Variants in MYO1E observed in about 807,000 individuals in gnomAD.
MYO1E encodes the protein unconventional myosin-Ie.
In MYO1E, 68 loss-of-function variants were observed where a neutral mutation model predicts 151.1. That is an observed-to-expected ratio of 0.45 (90% confidence interval 0.37 to 0.55). MYO1E has a LOEUF of 0.55. Among genes scored for constraint, MYO1E ranks in the 20% least tolerant of loss-of-function variants. The pLI, the probability that MYO1E is intolerant of heterozygous loss-of-function variation, is 0.00. For synonymous variants in MYO1E, 601 were observed against 501.7 expected (o/e 1.20, Z -2.64); for missense variants, 1,363 against 1,389.3 (o/e 0.98, Z 0.30).
intron 1 of MYO1E, among the ~76,000 whole-genome samples, chr15:59,332,801 G>A (rs1303183288): frequency 6.6e-6 from 1 of 151,984 alleles, no homozygotes; most frequent in Non-Finnish European, 1.5e-5. Flanking sequence ...AAGCTCAAGT[G>A]ATCCTCCCAC....
Position 59,138,114 on chromosome 15 carries a change from C to A in MYO1E, c.3250+84G>T, listed in dbSNP as rs56294483. 21,970 of 1,537,582 alleles carry A rather than the reference C, an allele frequency of 0.014. 603 individuals carry two copies. The highest frequency in any genetic ancestry group is 0.1 in the African/African-American group (7,382 of 73,430). ...TTGCAGTTTGAGGAGCCCATAAATT[C>A]TTTTCATTTTCACACTAGATCTTAC... is the stretch of plus-strand genomic sequence containing the variant. On this transcript the variant is annotated intron_variant, in intron 27 of 27. Coordinates refer to ENST00000288235, the MANE Select transcript of MYO1E (RefSeq NM_004998.4).
At chr15:59,286,077 TAATATGAACTA>T (rs2080386145) in intron 1 of MYO1E, among the ~76,000 whole-genome samples, 2 of 152,226 alleles carry the variant, frequency 1.3e-5, no homozygotes, top group Admixed American at 6.5e-5. Context: ...TCTTGTGACA[TAATATGAACTA>T]TCACCCTGTA....
intron 16 of MYO1E, among the ~76,000 whole-genome samples, chr15:59,199,408 C>T (rs1596361606): frequency 6.6e-6 from 1 of 152,054 alleles, no homozygotes; most frequent in East Asian, 1.9e-4. Context: ...AGTTGAGTAC[C>T]CCTAATCTGA....
At chr15:59,225,165 C>T in intron 7 of MYO1E, among the ~76,000 whole-genome samples, 1 of 152,212 alleles carries the variant, frequency 6.6e-6, no homozygotes, top group East Asian at 1.9e-4. Context: ...ATGTTTCTCA[C>T]TGCAGGGTGC....
At chr15:59,170,513 G>A (rs562098679) in intron 22 of MYO1E, among the ~76,000 whole-genome samples, 48 of 151,978 alleles carry the variant, frequency 3.2e-4, no homozygotes, top group African/African-American at 6.0e-4. Context: ...GCACTGCCCC[G>A]CTCAGGTTGG....
intron 2 of MYO1E, among the ~76,000 whole-genome samples, chr15:59,269,442 G>T (rs1214685095): frequency 6.6e-6 from 1 of 152,204 alleles, no homozygotes; most frequent in East Asian, 1.9e-4. Context: ...TGTGGGTGCT[G>T]CACGTAAAAG....
chr15:59,191,358 GAGAGAGAGAGAA>G (rs1205153633), intron 17 of MYO1E, among the ~76,000 whole-genome samples: 11 of 150,448 alleles, frequency 7.3e-5, no homozygotes, highest in South Asian at 2.1e-4. Flanking sequence ...GAGAGAGAGA[GAGAGAGAGAGAA>G]AGAAATGTCA....
chr15:59,336,957 T>C (rs1243127171), intron 1 of MYO1E, among the ~76,000 whole-genome samples: 2 of 152,132 alleles, frequency 1.3e-5, no homozygotes, highest in African/African-American at 4.8e-5. Flanking sequence ...TATTCCACAG[T>C]ATATATGTGC....
intron 1 of MYO1E, among the ~76,000 whole-genome samples, chr15:59,351,195 G>A (rs1246616524): frequency 2.6e-5 from 4 of 151,938 alleles, no homozygotes; most frequent in South Asian, 2.1e-4. Flanking sequence ...CACCGCACCC[G>A]GCCTTACTTG....
At chr15:59,295,388 G>T (rs778318395) in intron 1 of MYO1E, among the ~76,000 whole-genome samples, 1 of 152,128 alleles carries the variant, frequency 6.6e-6, no homozygotes, top group African/African-American at 2.4e-5. Flanking sequence ...TAGAAAGGCG[G>T]ATTTGTGTTG....
At chr15:59,207,578 A>T (rs1300316647) in intron 14 of MYO1E, 10 of 1,614,140 alleles carry the variant, frequency 6.2e-6, no homozygotes, top group Non-Finnish European at 7.6e-6. Flanking sequence ...AGCGGCTGTA[A>T]TCTGGATACT....
intron 1 of MYO1E, among the ~76,000 whole-genome samples, chr15:59,335,501 TA>T (rs373124829): frequency 5.4e-5 from 8 of 147,664 alleles, no homozygotes; most frequent in East Asian, 3.9e-4. Context: ...CGAATATGAA[TA>T]AAAAAAAAAC....
intron 18 of MYO1E, among the ~76,000 whole-genome samples, chr15:59,185,000 G>A (rs1314038118): frequency 2.0e-5 from 3 of 152,096 alleles, no homozygotes; most frequent in Admixed American, 6.5e-5. Context: ...GTGAGATATC[G>A]CACTGTAGTT....
rs56327611 is a variant in MYO1E at position 59,236,375 on chromosome 15, C to A, written c.420+210G>T. Among the ~76,000 whole-genome samples, 92 of 24,438 alleles carry A rather than the reference C, an allele frequency of 3.8e-3. 2 individuals are homozygous for A. The highest frequency in any genetic ancestry group is 0.031 in the Middle Eastern group (1 of 32). 16.0% of individuals were successfully genotyped at this position (24,438 alleles called of 152,430 possible). Reference sequence around the variant, plus strand: ...AAGAAAAAAAAAAAATATATACACACACACACACACACACACACACACACA... The same window carrying A: ...AAGAAAAAAAAAAAATATATACACAAACACACACACACACACACACACACA... On this transcript the variant is annotated intron_variant, in intron 5 of 27. Transcript: ENST00000288235.
chr15:59,217,126 G>A (rs1235075084), intron 10 of MYO1E, among the ~76,000 whole-genome samples: 5 of 152,068 alleles, frequency 3.3e-5, no homozygotes, highest in Admixed American at 1.3e-4. Flanking sequence ...CTGCAACCTC[G>A]TCTTTGAGTC....
rs115963522 is a variant in MYO1E, at chr15:59,176,914, C to A, written c.2049+1479G>T. On this transcript the variant is annotated intron_variant, in intron 19 of 27. Coordinates refer to ENST00000288235, the MANE Select transcript of MYO1E (RefSeq NM_004998.4). ...GGAGAGTCAAATAATGGTAATAACA[C>A]AATTGAATGTAAGGCAAGGAAAAGG... Among the ~76,000 whole-genome samples the A allele has an allele frequency of 6.2e-3, 939 of 152,106 alleles. 8 individuals are homozygous for A. The highest frequency in any genetic ancestry group is 0.022 in the African/African-American group (894 of 41,482).
chr15:59,314,898 G>T (rs1280938075), intron 1 of MYO1E, among the ~76,000 whole-genome samples: 1 of 152,148 alleles, frequency 6.6e-6, no homozygotes, highest in African/African-American at 2.4e-5. Context: ...CCAGCCAATT[G>T]TTACCACAGG....
rs2080068679 is a variant in MYO1E, at chr15:59,236,682, G to C, written c.333-10C>G. 1.9e-6 allele frequency: 3 copies of C among 1,586,298 alleles called. No individual in the cohort carries two copies. The highest frequency in any genetic ancestry group is 2.2e-5 in the South Asian group (2 of 90,504). On this transcript the variant is annotated splice_polypyrimidine_tract_variant and intron_variant, in intron 4 of 27. Coordinates refer to ENST00000288235, the MANE Select transcript of MYO1E (RefSeq NM_004998.4). ...AGCACCACTTTCACCACTAAAGAAA[G>C]ACAGACAAAGAATCCACCTGAGAAG...
intron 1 of MYO1E, among the ~76,000 whole-genome samples, chr15:59,283,081 T>C (rs2080367082): frequency 6.7e-6 from 1 of 149,594 alleles, no homozygotes; most frequent in Non-Finnish European, 1.5e-5. Context: ...GTTGCCCTCA[T>C]CCCAGGGAGA....
Sources: allele counts gnomAD v4.1 joint callset (sites outside exome capture counted in the v4.1 genomes callset), GRCh38; gene constraint gnomAD v4.1.1; transcripts MANE v1.5; gene names NCBI Gene and HGNC (gene_info 2026-07-23, HGNC 2026-07-21).